The following AGBL4 variants were observed in gnomAD, a reference collection of about 807,000 sequenced individuals.
AGBL4 encodes cytosolic carboxypeptidase 6.
AGBL4 carries 58 observed loss-of-function variants against 66.4 expected under a neutral mutation model. That is an observed-to-expected ratio of 0.87 (90% CI 0.71 to 1.09). The LOEUF (loss-of-function observed/expected upper bound fraction) is 1.09, where lower values mean the gene tolerates loss of function less well. Ranked by LOEUF, AGBL4 falls within the 50% of genes least tolerant of loss-of-function variation. The probability of loss-of-function intolerance (pLI) is 0.00; values close to 1 mark genes in which losing one functional copy is unlikely to be tolerated. For synonymous variants in AGBL4, 234 were observed against 222.9 expected (o/e 1.05, Z -0.44); for missense variants, 579 against 631.0 (o/e 0.92, Z 0.88).
At chr1:48,964,464 A>G (rs184976566) in intron 5 of AGBL4, among the ~76,000 whole-genome samples, 2 of 152,336 alleles carry the variant, frequency 1.3e-5, no homozygotes, top group East Asian at 1.9e-4. Context: ...GCATTACATG[A>G]GATCATGGAT....
intron 3 of AGBL4, among the ~76,000 whole-genome samples, chr1:49,296,988 C>T (rs1467338873): frequency 6.6e-6 from 1 of 152,202 alleles, no homozygotes; most frequent in Non-Finnish European, 1.5e-5. Context: ...CTGTAAGTAT[C>T]TTGGCTGGTC....
At chr1:49,604,379 T>A (rs1645025397) in intron 3 of AGBL4, among the ~76,000 whole-genome samples, 1 of 152,228 alleles carries the variant, frequency 6.6e-6, no homozygotes, top group African/African-American at 2.4e-5. Context: ...TATGTTCTTT[T>A]GAGAACTATC....
intron 5 of AGBL4, among the ~76,000 whole-genome samples, chr1:48,872,550 C>G (rs4387218): frequency 0.98 from 148,673 of 152,294 alleles, 72,658 homozygotes; most frequent in East Asian, 1. Context: ...ATAGATAAAG[C>G]CTTCTGAATC....
Position 49,455,816 on chromosome 1 carries a change from T to TA in AGBL4, c.283-209953dup, listed in dbSNP as rs1245956646. Among the ~76,000 whole-genome samples the TA allele has an allele frequency of 5.3e-5, 8 of 151,718 alleles. No homozygotes were observed. In the East Asian group the frequency reaches 1.6e-3, roughly 29 times the overall value. ...TTTGCTCATTGTGTTCAACCACACT[T>TA]ACCTCACTGTTTTTGAACACATCAA... On this transcript the variant is annotated intron_variant, in intron 3 of 13. Transcript: ENST00000371839.
At chr1:49,000,192 C>T (rs1356715593) in intron 5 of AGBL4, among the ~76,000 whole-genome samples, 4 of 152,106 alleles carry the variant, frequency 2.6e-5, no homozygotes, top group African/African-American at 4.8e-5. Flanking sequence ...AAGTTACATG[C>T]GTCTCCCAAG....
intron 4 of AGBL4, among the ~76,000 whole-genome samples, chr1:49,116,046 A>G (rs1645512920): frequency 6.6e-6 from 1 of 152,178 alleles, no homozygotes; most frequent in Non-Finnish European, 1.5e-5. Context: ...TTTTCAAAAT[A>G]CTTTAACCTT....
intron 1 of AGBL4, among the ~76,000 whole-genome samples, chr1:49,974,445 G>A (rs1658395866): frequency 6.6e-6 from 1 of 152,024 alleles, no homozygotes; most frequent in Non-Finnish European, 1.5e-5. Flanking sequence ...AGAACTTAAA[G>A]GAATAGATTT....
At chr1:49,589,924 T>G (rs1256675981) in intron 3 of AGBL4, among the ~76,000 whole-genome samples, 1 of 152,074 alleles carries the variant, frequency 6.6e-6, no homozygotes, top group Non-Finnish European at 1.5e-5. Context: ...GACTCTTACT[T>G]GGTAGGCTTA....
intron 4 of AGBL4, among the ~76,000 whole-genome samples, chr1:49,109,572 T>C (rs1282452124): frequency 6.6e-6 from 1 of 152,204 alleles, no homozygotes; most frequent in Admixed American, 6.5e-5. Flanking sequence ...TGAATTAATA[T>C]ATGTTAGTAT....
At chr1:49,518,817 A>G (rs1650033902) in intron 3 of AGBL4, among the ~76,000 whole-genome samples, 1 of 152,052 alleles carries the variant, frequency 6.6e-6, no homozygotes, top group Admixed American at 6.6e-5. Context: ...TTACTTTTTA[A>G]TATTTGTCGT....
chr1:48,529,471 A>G (rs1208348893), downstream of AGBL4, among the ~76,000 whole-genome samples: 2 of 152,158 alleles, frequency 1.3e-5, no homozygotes, highest in African/African-American at 4.8e-5. Flanking sequence ...AGACTTAAAG[A>G]GATTACATTA....
chr1:49,244,921 AAT>A (rs1222165103), intron 4 of AGBL4, among the ~76,000 whole-genome samples: 1 of 151,766 alleles, frequency 6.6e-6, no homozygotes, highest in Non-Finnish European at 1.5e-5. Flanking sequence ...TGAATGAATA[AAT>A]GAATGAATGA....
chr1:49,358,871 T>TA (rs1644075251), intron 3 of AGBL4, among the ~76,000 whole-genome samples: 2 of 152,216 alleles, frequency 1.3e-5, no homozygotes, highest in African/African-American at 4.8e-5. Context: ...CTATTGATAA[T>TA]TGAAAAAATC....
At chr1:49,593,229 CCCCG>C (rs1644786359) in intron 3 of AGBL4, among the ~76,000 whole-genome samples, 1 of 151,966 alleles carries the variant, frequency 6.6e-6, no homozygotes, top group Non-Finnish European at 1.5e-5. Context: ...CACGGTGAAA[CCCCG>C]TCTCAACTAA....
chr1:49,598,809 A>G (rs1413469465), intron 3 of AGBL4, among the ~76,000 whole-genome samples: 1 of 152,138 alleles, frequency 6.6e-6, no homozygotes, highest in Non-Finnish European at 1.5e-5. Context: ...TTTTAGCATG[A>G]AGGGGTGTTG....
In AGBL4 at chr1:49,556,092, C is replaced by T. The variant is rs12127132; in HGVS notation, c.282+141221G>A. 8.3e-3 allele frequency among the ~76,000 whole-genome samples: 1,265 copies of T among 152,200 alleles called. 16 individuals carry two copies. Among genetic ancestry groups the T allele is most frequent in the Admixed American group, 0.01 (160 of 15,286 alleles). On this transcript the variant is annotated intron_variant, in intron 3 of 13. Transcript: ENST00000371839. The stretch of plus-strand genomic sequence containing the variant: ...GACACATGCACACGTATGTTTATTG[C>T]GGCACTACTCACAATAACAAAGACT...
intron 6 of AGBL4, among the ~76,000 whole-genome samples, chr1:48,668,425 T>C (rs1341679488): frequency 1.0e-5 from 1 of 98,516 alleles, no homozygotes; most frequent in Admixed American, 9.7e-5. Flanking sequence ...CCAGCCCCCT[T>C]AGCCTAGACC....
chr1:49,814,087 G>A (rs1177669685), intron 2 of AGBL4, among the ~76,000 whole-genome samples: 2 of 152,120 alleles, frequency 1.3e-5, no homozygotes, highest in Non-Finnish European at 2.9e-5. Flanking sequence ...CCCCAGCCAT[G>A]TGGAACCATG....
intron 3 of AGBL4, among the ~76,000 whole-genome samples, chr1:49,473,460 A>G (rs1646787316): frequency 6.6e-6 from 1 of 151,956 alleles, no homozygotes. Flanking sequence ...GTGTCTGCTC[A>G]TGTCCTTTGC....
Sources: gnomAD v4.1 joint callset for allele counts (sites outside exome capture counted in the v4.1 genomes callset) on GRCh38, gnomAD v4.1.1 for gene constraint, MANE v1.5 for transcripts, NCBI Gene and HGNC (gene_info 2026-07-23, HGNC 2026-07-21) for gene names.